PRKG1: variants seen among roughly 807,000 people sequenced by gnomAD.
PRKG1 encodes protein kinase cGMP-dependent 1.
In PRKG1, 35 loss-of-function variants were observed where a neutral mutation model predicts 88.1. That is an observed-to-expected ratio of 0.40 (90% CI 0.30 to 0.53). The LOEUF is 0.53. Ranked by LOEUF, PRKG1 falls within the 20% of genes least tolerant of loss-of-function variation. PRKG1 has a pLI of 0.59. For synonymous variants in PRKG1, 303 were observed against 292.5 expected (o/e 1.04, Z -0.37); for missense variants, 540 against 839.8 (o/e 0.64, Z 4.41).
intron 1 of PRKG1, among the ~76,000 whole-genome samples, chr10:51,036,553 T>G (rs576228990): frequency 4.6e-5 from 7 of 151,864 alleles, no homozygotes; most frequent in African/African-American, 1.7e-4. Context: ...GAGTGAAAAT[T>G]TTTCAAATGA....
chr10:51,148,172 A>G, intron 1 of PRKG1: 1 of 830,700 alleles, frequency 1.2e-6, no homozygotes, highest in Non-Finnish European at 1.5e-6. Context: ...TGCAAGGAGT[A>G]TGTCTGTGTG....
At chr10:51,290,079 G>T (rs1840543945) in intron 2 of PRKG1, among the ~76,000 whole-genome samples, 3 of 152,082 alleles carry the variant, frequency 2.0e-5, no homozygotes. Context: ...TACATTCAGA[G>T]CATCATTATC....
chr10:51,704,270 T>TAGATAGATAGAC (rs1357566046), intron 3 of PRKG1, among the ~76,000 whole-genome samples: 8 of 151,922 alleles, frequency 5.3e-5, no homozygotes, highest in African/African-American at 1.9e-4. Flanking sequence ...GATAGATAGA[T>TAGATAGATAGAC]AGATATTTTG....
intron 7 of PRKG1, among the ~76,000 whole-genome samples, chr10:52,074,313 G>T (rs1318037448): frequency 6.6e-6 from 1 of 152,134 alleles, no homozygotes; most frequent in East Asian, 1.9e-4. Context: ...TTATAGAAAA[G>T]GGATCAGCTT....
intron 2 of PRKG1, among the ~76,000 whole-genome samples, chr10:51,349,454 TTGTGTG>T (rs34302728): frequency 1.5e-3 from 145 of 97,426 alleles, no homozygotes; most frequent in Middle Eastern, 5.6e-3. Flanking sequence ...TTCATATTGT[TTGTGTG>T]TGTGTGTGTG....
chr10:52,179,753 A>G (rs1262661745), intron 9 of PRKG1, among the ~76,000 whole-genome samples: 1 of 152,182 alleles, frequency 6.6e-6, no homozygotes, highest in East Asian at 1.9e-4. Flanking sequence ...CAGTGGTTCA[A>G]TCTCAGCTCA....
chr10:51,694,646 T>C (rs1170975612), intron 3 of PRKG1, among the ~76,000 whole-genome samples: 3 of 152,150 alleles, frequency 2.0e-5, no homozygotes, highest in Non-Finnish European at 4.4e-5. Context: ...TAAAGAAGCA[T>C]TAGCAAATCA....
chr10:51,135,974 G>T (rs184426762), intron 1 of PRKG1, among the ~76,000 whole-genome samples: 12 of 147,368 alleles, frequency 8.1e-5, no homozygotes, highest in Admixed American at 6.1e-4. Context: ...GTGGGGGAAG[G>T]GGGGAGGGGG....
chr10:51,277,805 T>A (rs924916397), intron 2 of PRKG1, among the ~76,000 whole-genome samples: 2 of 152,234 alleles, frequency 1.3e-5, no homozygotes, highest in Admixed American at 6.5e-5. Context: ...ATTGATTTTG[T>A]ATCCTGAGAC....
chr10:52,027,467 A>G (rs1394873674), intron 5 of PRKG1, among the ~76,000 whole-genome samples: 4 of 152,208 alleles, frequency 2.6e-5, no homozygotes, highest in African/African-American at 9.6e-5. Context: ...CCTGGGATAT[A>G]TACTTTTATA....
chr10:51,494,491 T>C (rs1485800913), intron 3 of PRKG1, among the ~76,000 whole-genome samples: 2 of 152,220 alleles, frequency 1.3e-5, no homozygotes, highest in Non-Finnish European at 2.9e-5. Flanking sequence ...TTAATGTAGA[T>C]GTGAAATGTG....
At chr10:51,501,577 A>G (rs1191228610) in intron 3 of PRKG1, among the ~76,000 whole-genome samples, 1 of 151,924 alleles carries the variant, frequency 6.6e-6, no homozygotes, top group Non-Finnish European at 1.5e-5. Context: ...GTTTATTTCT[A>G]TTGTACCAGC....
intron 3 of PRKG1, among the ~76,000 whole-genome samples, chr10:51,737,730 TTTATTTATTAA>T (rs1034264803): frequency 1.8e-5 from 2 of 112,354 alleles, no homozygotes; most frequent in East Asian, 2.5e-4. Flanking sequence ...TATTTATTTA[TTTATTTATTAA>T]TTATTATTAT....
intron 2 of PRKG1, among the ~76,000 whole-genome samples, chr10:51,201,623 G>A (rs1489435980): frequency 1.3e-5 from 2 of 152,174 alleles, no homozygotes; most frequent in Non-Finnish European, 1.5e-5. Context: ...ATAGTGCATA[G>A]AGGTGGGGTC....
intron 2 of PRKG1, among the ~76,000 whole-genome samples, chr10:51,307,503 C>T (rs952831652): frequency 1.3e-5 from 2 of 152,084 alleles, no homozygotes; most frequent in African/African-American, 2.4e-5. Context: ...AAGTGGAGTT[C>T]TTTTTTCTAG....
chr10:52,149,630 G>T (rs1367704345), intron 8 of PRKG1, among the ~76,000 whole-genome samples: 1 of 151,160 alleles, frequency 6.6e-6, no homozygotes, highest in East Asian at 1.9e-4. Flanking sequence ...TTAGCCAAAG[G>T]CAGGACAAAA....
intron 9 of PRKG1, among the ~76,000 whole-genome samples, chr10:52,224,211 C>T (rs1840321319): frequency 6.6e-6 from 1 of 152,042 alleles, no homozygotes; most frequent in Non-Finnish European, 1.5e-5. Flanking sequence ...TCAGAGGAGA[C>T]TGTTCCAGCC....
chr10:51,699,231 C>T (rs1450547595), intron 3 of PRKG1: 1 of 1,614,134 alleles, frequency 6.2e-7, no homozygotes, highest in South Asian at 1.1e-5. Flanking sequence ...ATGGGCGCTG[C>T]AGGCCCAAGG....
At chr10:52,267,521 C>T (rs1841607478) in intron 10 of PRKG1, among the ~76,000 whole-genome samples, 1 of 151,802 alleles carries the variant, frequency 6.6e-6, no homozygotes, top group African/African-American at 2.4e-5. Flanking sequence ...TTAAGCAATT[C>T]AAAAAGTAAA....
Sources: allele counts gnomAD v4.1 joint callset (sites outside exome capture counted in the v4.1 genomes callset), GRCh38; gene constraint gnomAD v4.1.1; transcripts MANE v1.5; gene names NCBI Gene and HGNC (gene_info 2026-07-23, HGNC 2026-07-21).